Variants in STX8 observed in about 807,000 individuals in gnomAD.
STX8 encodes the protein syntaxin 8, also known as syntaxin-8.
STX8 carries 23 observed loss-of-function variants against 37.5 expected under a neutral mutation model. The observed-to-expected ratio is 0.61, with a 90% confidence interval of 0.44 to 0.87. The LOEUF (loss-of-function observed/expected upper bound fraction) is 0.87. Among genes scored for constraint, STX8 ranks in the 40% least tolerant of loss-of-function variants. The pLI is 0.00. For synonymous variants in STX8, 115 were observed against 99.1 expected, an observed-to-expected ratio of 1.16 and a Z score of -0.95; for missense variants, 313 against 284.7, an observed-to-expected ratio of 1.10 and a Z score of -0.71.
intron 7 of STX8, among the ~76,000 whole-genome samples, chr17:9,250,887 A>G (rs1001879102): frequency 6.6e-6 from 1 of 152,026 alleles, no homozygotes; most frequent in Non-Finnish European, 1.5e-5. Flanking sequence ...GGCAGCACTC[A>G]AGCCAGGAGG....
At chr17:9,309,040 T>TTAA (rs1008531911) in intron 7 of STX8, among the ~76,000 whole-genome samples, 4 of 152,036 alleles carry the variant, frequency 2.6e-5, no homozygotes, top group African/African-American at 9.7e-5. Context: ...ATAAGCAGCT[T>TTAA]ATTCTTTAAA....
chr17:9,440,421 T>C (rs1406381297), intron 6 of STX8, among the ~76,000 whole-genome samples: 1 of 152,096 alleles, frequency 6.6e-6, no homozygotes, highest in African/African-American at 2.4e-5. Context: ...ATTGTCACCA[T>C]CTTAGTTAAC....
At chr17:9,543,333 G>A (rs1331344379) in intron 4 of STX8, among the ~76,000 whole-genome samples, 1 of 148,626 alleles carries the variant, frequency 6.7e-6, no homozygotes, top group Non-Finnish European at 1.5e-5. Flanking sequence ...TTGCTCTGTC[G>A]CCCAGGCTGG....
intron 7 of STX8, among the ~76,000 whole-genome samples, chr17:9,351,172 T>C (rs913597008): frequency 6.7e-6 from 1 of 148,952 alleles, no homozygotes; most frequent in Non-Finnish European, 1.5e-5. Context: ...AGTGATTTCC[T>C]TGTCTTTTTT....
chr17:9,363,652 A>G (rs548556942), intron 7 of STX8, among the ~76,000 whole-genome samples: 33 of 152,340 alleles, frequency 2.2e-4, no homozygotes, highest in African/African-American at 7.7e-4. Context: ...CATATCATCA[A>G]TCAAGGCCCA....
intron 7 of STX8, among the ~76,000 whole-genome samples, chr17:9,343,992 G>T (rs1396684669): frequency 6.6e-6 from 1 of 152,032 alleles, no homozygotes; most frequent in Non-Finnish European, 1.5e-5. Flanking sequence ...ACATGAGGAG[G>T]CCCAAGTACC....
At chr17:9,352,281 C>A (rs1910731832) in intron 7 of STX8, among the ~76,000 whole-genome samples, 1 of 151,936 alleles carries the variant, frequency 6.6e-6, no homozygotes, top group Non-Finnish European at 1.5e-5. Flanking sequence ...AATAAATAAT[C>A]TGTGTGGTGA....
chr17:9,507,217 G>T lies in STX8; in HGVS notation c.324-2055C>A, dbSNP rs60059432. On this transcript the variant is annotated intron_variant, in intron 4 of 7. Transcript: ENST00000306357. The surrounding 1 kb of genome is among the most constrained non-coding windows in gnomAD (Gnocchi z 4.0). ...AGACATGCCCCCGGCCTGCCCAAAG[G>T]CCCCACACCTCAATCAGGGCCTGAG... Among the ~76,000 whole-genome samples, 2,427 of 150,074 alleles carry T rather than the reference G, an allele frequency of 0.016. 65 individuals are homozygous for T. Among genetic ancestry groups the T allele is most frequent in the African/African-American group, 0.056 (2,297 of 40,710 alleles).
At chr17:9,468,362 G>A (rs879635808) in intron 6 of STX8, among the ~76,000 whole-genome samples, 8 of 152,016 alleles carry the variant, frequency 5.3e-5, no homozygotes, top group African/African-American at 1.9e-4. Flanking sequence ...CAGCCGCCTC[G>A]ACCTCCCAAA....
intron 7 of STX8, among the ~76,000 whole-genome samples, chr17:9,314,253 G>A (rs77729395): frequency 1.3e-5 from 2 of 152,146 alleles, no homozygotes; most frequent in Non-Finnish European, 2.9e-5. Flanking sequence ...GAATTGCCAG[G>A]TAGTCAGCCA....
intron 2 of STX8, among the ~76,000 whole-genome samples, chr17:9,562,762 T>C (rs1397207288): frequency 6.6e-6 from 1 of 152,150 alleles, no homozygotes; most frequent in Non-Finnish European, 1.5e-5. Flanking sequence ...CACCCTCTGT[T>C]GGCCAGGCTG....
At position 9,300,282 on chromosome 17, in the gene STX8, G is replaced by A. The variant is rs146850541; in HGVS notation, c.644-49637C>T. 1.4e-4 allele frequency among the ~76,000 whole-genome samples: 20 copies of A among 145,180 alleles called. 1 individual carries two copies. Among genetic ancestry groups the A allele is most frequent in the African/African-American group, 4.5e-4 (18 of 39,816 alleles). On this transcript the variant is annotated intron_variant, in intron 7 of 7. Transcript: ENST00000306357. Reference sequence around the variant, plus strand: ...GGAGGAGGAGGTTGCGGTGAGCCACGGTGGTGCCATTGCACTCCAGCCTGG... The same window carrying A: ...GGAGGAGGAGGTTGCGGTGAGCCACAGTGGTGCCATTGCACTCCAGCCTGG...
chr17:9,488,604 T>C (rs1490673742), intron 6 of STX8, among the ~76,000 whole-genome samples: 10 of 152,026 alleles, frequency 6.6e-5, no homozygotes, highest in Non-Finnish European at 8.8e-5. Context: ...CAACCTACTG[T>C]TGTTGTCTTT....
intron 6 of STX8, chr17:9,469,202 G>C (rs1255933075): frequency 3.3e-5 from 5 of 152,200 alleles, no homozygotes; most frequent in Middle Eastern, 3.2e-3. Context: ...AGAACTCTCA[G>C]GGAGGCACAC....
chr17:9,415,055 T>G (rs1338958157), intron 6 of STX8, among the ~76,000 whole-genome samples: 1 of 152,060 alleles, frequency 6.6e-6, no homozygotes, highest in Non-Finnish European at 1.5e-5. Context: ...CCTCCCAAAG[T>G]GCTGGGATTA....
intron 3 of STX8, among the ~76,000 whole-genome samples, chr17:9,546,597 T>TTTTTG (rs1906534029): frequency 8.1e-6 from 1 of 123,378 alleles, no homozygotes; most frequent in African/African-American, 3.2e-5. Context: ...AGTGGTTTTT[T>TTTTTG]TTTTTTTTTT....
At chr17:9,295,064 C>T (rs985667639) in intron 7 of STX8, among the ~76,000 whole-genome samples, 1 of 152,158 alleles carries the variant, frequency 6.6e-6, no homozygotes, top group Non-Finnish European at 1.5e-5. Flanking sequence ...GCTAAGCAAC[C>T]CCGCCTGGTA....
At chr17:9,357,941 G>A (rs1332595223) in intron 7 of STX8, among the ~76,000 whole-genome samples, 1 of 152,124 alleles carries the variant, frequency 6.6e-6, no homozygotes, top group African/African-American at 2.4e-5. Context: ...GTGCACAACA[G>A]CCCTCTCTGT....
chr17:9,566,938 C>T (rs1322885561), intron 2 of STX8, among the ~76,000 whole-genome samples: 4 of 152,058 alleles, frequency 2.6e-5, no homozygotes, highest in Non-Finnish European at 4.4e-5. Context: ...AATATTATGC[C>T]GCCATAAAAA....
Sources: allele counts gnomAD v4.1 joint callset (sites outside exome capture counted in the v4.1 genomes callset), GRCh38; gene constraint gnomAD v4.1.1; non-coding constraint Gnocchi (gnomAD v3.1); transcripts MANE v1.5; gene names NCBI Gene and HGNC (gene_info 2026-07-23, HGNC 2026-07-21).